NCAN: variants seen among roughly 807,000 people sequenced by gnomAD.
NCAN encodes neurocan core protein.
NCAN carries 47 observed loss-of-function variants against 121.8 expected under a neutral mutation model. The ratio of observed to expected loss-of-function variants is 0.39; its 90% CI spans 0.31 to 0.49. The LOEUF is 0.49. Ranked by LOEUF, NCAN falls within the 20% of genes least tolerant of loss-of-function variation. The probability of loss-of-function intolerance (pLI) is 0.92; values close to 1 mark genes in which losing one functional copy is unlikely to be tolerated. For missense variants in NCAN, 1,517 were observed against 1,773.4 expected (o/e 0.86, Z 2.60); for synonymous variants, 633 against 702.0 (o/e 0.90, Z 1.55).
At chr19:19,215,519 C>A (rs1296541962) in intron 1 of NCAN, among the ~76,000 whole-genome samples, 3 of 152,152 alleles carry the variant, frequency 2.0e-5, no homozygotes, top group African/African-American at 7.2e-5. Context: ...TGGGTCCTAG[C>A]CCCTATAGGG....
chr19:19,224,694 C>T (rs142675782), intron 5 of NCAN, among the ~76,000 whole-genome samples: 1 of 151,846 alleles, frequency 6.6e-6, no homozygotes, highest in Non-Finnish European at 1.5e-5. Flanking sequence ...TGTCCCTATC[C>T]CCTTCCTCCT....
At chr19:19,237,316 C>T (rs2060884619) in intron 10 of NCAN, among the ~76,000 whole-genome samples, 1 of 151,904 alleles carries the variant, frequency 6.6e-6, no homozygotes, top group African/African-American at 2.4e-5. Context: ...ATGGAGAAAC[C>T]CCATCTCTAC....
intron 1 of NCAN, among the ~76,000 whole-genome samples, chr19:19,215,186 A>G (rs951337334): frequency 7.9e-5 from 12 of 152,178 alleles, no homozygotes; most frequent in African/African-American, 2.9e-4. Flanking sequence ...GGAGCTGGGA[A>G]GGAGAACTGG....
intron 1 of NCAN, 42 bp from the exon 2 acceptor site, chr19:19,216,905 G>T (rs969384858): frequency 5.0e-6 from 6 of 1,190,076 alleles, no homozygotes; most frequent in Non-Finnish European, 6.6e-6. Context: ...TGGGAGGGTT[G>T]GGCTGTGGCT....
Position 19,226,982 on chromosome 19 carries a change from G to A in NCAN, c.1569G>A (p.Pro523=), listed in dbSNP as rs747211807. 3.6e-5 allele frequency: 55 copies of A among 1,539,052 alleles called. No homozygotes were observed. Among genetic ancestry groups the A allele is most frequent in the Middle Eastern group, 3.8e-4 (2 of 5,316 alleles). Residue 523 remains proline, a synonymous_variant, in exon 7 of 15, where the codon CCG becomes CCA. Transcript: ENST00000252575. ...CTGCAGTGAACCAAATGGAGCCTCC[G>A]TTGGCCATGGCAGTCACAGAGATGT... ...SEAAVNQMEP[P]LAMAVTEMLG... is the part of the protein sequence containing the mutation.
At chr19:19,239,326 G>A (rs2060893488) in intron 11 of NCAN, among the ~76,000 whole-genome samples, 1 of 151,692 alleles carries the variant, frequency 6.6e-6, no homozygotes, top group Non-Finnish European at 1.5e-5. Context: ...CTGAGGCTGG[G>A]AGAGGGGTTC....
In NCAN at chr19:19,246,602, C is replaced by T. The variant is rs576174068; in HGVS notation, c.3637+1145C>T. On this transcript the variant is annotated intron_variant, in intron 13 of 14. Coordinates refer to ENST00000252575, the MANE Select transcript of NCAN (RefSeq NM_004386.3). ...AAGCTGGAGTGCAGTATTGCAGTCT[C>T]GGCTCACTGCAACCTCCGCCTCTGA... is the stretch of plus-strand genomic sequence containing the variant. Among the ~76,000 whole-genome samples the T allele has an allele frequency of 5.9e-5, 9 of 151,874 alleles. No individual in the cohort carries two copies. In the South Asian group the frequency reaches 6.3e-4, roughly 11 times the overall value.
In NCAN at chr19:19,225,616, G is replaced by A. The variant is rs1020205006; in HGVS notation, c.1072+346G>A. On this transcript the variant is annotated intron_variant, in intron 6 of 14. Coordinates refer to ENST00000252575, the MANE Select transcript of NCAN (RefSeq NM_004386.3). This position sits in a 1 kb window ranked among gnomAD's most constrained non-coding sequence, Gnocchi z 4.0. ...CTACCTAGAGCCACGCCCATACGCA[G>A]AAACACCCCCGTGGAAGAGATAATG... Among the ~76,000 whole-genome samples the A allele has an allele frequency of 8.5e-5, 13 of 152,342 alleles. 1 individual carries two copies. The highest frequency in any genetic ancestry group is 8.3e-4 in the South Asian group (4 of 4,828).
intron 11 of NCAN, among the ~76,000 whole-genome samples, chr19:19,240,337 G>A (rs1410322374): frequency 1.3e-5 from 2 of 149,318 alleles, no homozygotes; most frequent in Non-Finnish European, 3.0e-5. Flanking sequence ...AAGGGGCTGA[G>A]TCTTCCCCTC....
chr19:19,228,770 G>A (rs759175882), intron 8 of NCAN, 131 bp downstream of exon 8: 7 of 1,011,452 alleles, frequency 6.9e-6, no homozygotes, highest in African/African-American at 4.9e-5. Context: ...GGGGCATGAC[G>A]CTGGAGGTAG....
intron 2 of NCAN, among the ~76,000 whole-genome samples, chr19:19,218,629 C>T (rs1020487848): frequency 1.3e-5 from 2 of 152,092 alleles, no homozygotes; most frequent in Non-Finnish European, 2.9e-5. Flanking sequence ...TGTGCCACCA[C>T]ACCCAGCTAA....
intron 13 of NCAN, among the ~76,000 whole-genome samples, chr19:19,246,295 C>T (rs2060924248): frequency 6.6e-6 from 1 of 152,022 alleles, no homozygotes; most frequent in African/African-American, 2.4e-5. Context: ...ACCTCGGCCT[C>T]CCAAAGGGCA....
At chr19:19,248,673 C>A (rs2060934886) in intron 13 of NCAN, 27 bp from the exon 14 acceptor site, 2 of 1,602,776 alleles carry the variant, frequency 1.2e-6, no homozygotes, top group Non-Finnish European at 1.7e-6. Context: ...GTGAGCACCT[C>A]TCTCACTAGA....
chr19:19,243,515 CA>C (rs781710638), intron 12 of NCAN, among the ~76,000 whole-genome samples: 103 of 42,696 alleles, frequency 2.4e-3, no homozygotes, highest in East Asian at 5.5e-3. Context: ...GACTCCATCT[CA>C]AAAAAAAAAA....
intron 12 of NCAN, 78 bp downstream of exon 12, chr19:19,240,763 C>A: frequency 6.9e-7 from 1 of 1,451,974 alleles, no homozygotes; most frequent in Non-Finnish European, 9.7e-7. Context: ...CCCTTTTGTG[C>A]AAAGTTATCG....
rs1027596879 is a variant in NCAN at position 19,224,422 on chromosome 19, G to C, written c.767G>C (p.Arg256Pro). The C allele has an allele frequency of 2.5e-6, 4 of 1,613,182 alleles. No homozygotes were observed. The highest frequency in any genetic ancestry group is 3.4e-6 in the Non-Finnish European group (4 of 1,179,464). Reference protein sequence around the residue: ...QELYDVYCFARELGGEVFYVG... With the variant: ...QELYDVYCFAPELGGEVFYVG... ...CTCTACGATGTGTATTGCTTTGCCC[G>C]GGAGCTGGGGGGTAAGTCTGGGACT... Residue 256 changes from arginine (R) to proline (P), a missense_variant, in exon 5 of 15, where the codon CGG (arginine) becomes CCG (proline). Coordinates refer to ENST00000252575, the MANE Select transcript of NCAN (RefSeq NM_004386.3).
chr19:19,250,461 T>C lies in NCAN; in HGVS notation c.*550T>C. On this transcript the variant is annotated 3_prime_UTR_variant, in exon 15 of 15. Transcript: ENST00000252575. The stretch of plus-strand genomic sequence containing the variant: ...TCAGCCCAAGTTCCGTCTTTGGTCT[T>C]GGTGGATAAACACACAGTGTGGAGA... 3.1e-6 allele frequency: 1 copy of C among 319,526 alleles called. No homozygotes were observed. Among genetic ancestry groups the C allele is most frequent in the Non-Finnish European group, 6.1e-6 (1 of 163,862 alleles). The allele number at this position is 319,526 out of a possible 1,614,324, so 19.8% of individuals were successfully genotyped here.
chr19:19,246,703 T>G (rs1466203075), intron 13 of NCAN, among the ~76,000 whole-genome samples: 1 of 151,460 alleles, frequency 6.6e-6, no homozygotes, highest in East Asian at 2.0e-4. Flanking sequence ...GCTAATTTTT[T>G]TTTTGTTTTT....
chr19:19,227,548 T>C lies in NCAN; in HGVS notation c.1928T>C (p.Met643Thr), dbSNP rs765193656. The C allele has an allele frequency of 4.3e-6, 7 of 1,613,846 alleles. No homozygotes were observed. The highest frequency in any genetic ancestry group is 5.9e-6 in the Non-Finnish European group (7 of 1,179,990). Residue 643 changes from methionine (M) to threonine (T), a missense_variant, in exon 8 of 15, where the codon ATG becomes ACG. Coordinates refer to ENST00000252575, the MANE Select transcript of NCAN (RefSeq NM_004386.3). The surrounding 1 kb of genome is among the most constrained non-coding windows in gnomAD (Gnocchi z 4.2). ...MAMLRGPKEW[M>T]LPHPTPISTE... ...ATGCTGCGTGGTCCCAAAGAGTGGA[T>C]GCTACCACACCCCACCCCCATCTCC... is the stretch of plus-strand genomic sequence containing the variant.
Sources: gnomAD v4.1 joint callset for allele counts (sites outside exome capture counted in the v4.1 genomes callset) on GRCh38, gnomAD v4.1.1 for gene constraint, Gnocchi (gnomAD v3.1) non-coding constraint, MANE v1.5 for transcripts, NCBI Gene and HGNC (gene_info 2026-07-23, HGNC 2026-07-21) for gene names.